Variants in SLC2A7 observed in about 807,000 individuals in gnomAD.
SLC2A7 encodes the protein solute carrier family 2, facilitated glucose transporter member 7.
Under a neutral mutation model 50.5 loss-of-function variants are expected in SLC2A7, and 50 were observed. The observed-to-expected ratio is 0.99, with a 90% CI of 0.79 to 1.25. The LOEUF (loss-of-function observed/expected upper bound fraction) is 1.25, where lower values mean the gene tolerates loss of function less well. Among genes scored for constraint, SLC2A7 ranks in the 50% most tolerant of loss-of-function variants. The probability of loss-of-function intolerance (pLI) is 0.00; values close to 1 mark genes in which losing one functional copy is unlikely to be tolerated. For synonymous variants in SLC2A7, 308 were observed against 300.4 expected (o/e 1.03, Z -0.26); for missense variants, 683 against 679.1 (o/e 1.01, Z -0.06).
chr1:9,024,678 C>G (rs1011648740), intron 2 of SLC2A7, among the ~76,000 whole-genome samples: 4 of 152,182 alleles, frequency 2.6e-5, no homozygotes, highest in African/African-American at 9.7e-5. Context: ...GGGGCCTACC[C>G]AAGGTGAGAG....
intron 7 of SLC2A7, 70 bp from the exon 8 acceptor site, chr1:9,013,705 A>G: frequency 7.5e-7 from 1 of 1,335,580 alleles, no homozygotes; most frequent in Non-Finnish European, 1.1e-6. Flanking sequence ...TTCTCAACTC[A>G]AGCCACACAC....
rs990669288 is a variant in SLC2A7, at chr1:9,018,385, G to A, written c.437-10C>T. The stretch of plus-strand genomic sequence containing the variant: ...GCGCTGTAGGAGATGCCTGGTTTGG[G>A]CACAGCAGAAATCAGGGCAGGCAAA... On this transcript the variant is annotated splice_polypyrimidine_tract_variant and intron_variant, in intron 4 of 11. Coordinates refer to ENST00000400906, the MANE Select transcript of SLC2A7 (RefSeq NM_207420.3). 2.5e-6 allele frequency: 4 copies of A among 1,613,484 alleles called. No individual in the cohort carries two copies. Among genetic ancestry groups the A allele is most frequent in the African/African-American group, 1.3e-5 (1 of 74,906 alleles).
chr1:8,996,425 T>G, the SLC2A7 span, among the ~76,000 whole-genome samples: 1 of 152,236 alleles, frequency 6.6e-6, no homozygotes, highest in Non-Finnish European at 1.5e-5. Context: ...CCATTCACCT[T>G]GATGTACTTT....
chr1:9,013,404 T>C lies in SLC2A7; in HGVS notation c.1014+121A>G, dbSNP rs535500034. ...GTATGTGTGCATCCTAAAGTCCATG[T>C]CCCTTAAATGACCCCAGGACCAGGG... On this transcript the variant is annotated intron_variant, in intron 8 of 11. Coordinates refer to ENST00000400906, the MANE Select transcript of SLC2A7 (RefSeq NM_207420.3). 1.6e-4 allele frequency: 110 copies of C among 706,334 alleles called. No homozygotes were observed. In the African/African-American group the frequency reaches 1.8e-3, roughly 11 times the overall value. The allele number at this position is 706,334 out of a possible 1,614,324, so 43.8% of individuals were successfully genotyped here.
rs139217956 is a variant in SLC2A7, at chr1:9,020,894, G to A, written c.312-1561C>T. Among the ~76,000 whole-genome samples, 468 of 152,146 alleles carry A rather than the reference G, an allele frequency of 3.1e-3. 2 individuals are homozygous for A. The highest frequency in any genetic ancestry group is 0.011 in the African/African-American group (458 of 41,496). On this transcript the variant is annotated intron_variant, in intron 3 of 11. Transcript: ENST00000400906. ...CTCACCAGGTCTGATGGTTTTATAA[G>A]GAAGAGTATTTCTGCACAAGCTCTC...
chr1:9,001,418 T>C (rs542859268), downstream of SLC2A7, among the ~76,000 whole-genome samples: 4 of 138,594 alleles, frequency 2.9e-5, no homozygotes, highest in African/African-American at 8.0e-5. Context: ...ATGCAGGTGC[T>C]ATTTTTTTTT....
chr1:9,018,947 C>T (rs987585591), intron 4 of SLC2A7, among the ~76,000 whole-genome samples: 13 of 151,884 alleles, frequency 8.6e-5, no homozygotes, highest in African/African-American at 2.9e-4. Context: ...TTTGGGAGGC[C>T]GAGACAGGAG....
At position 9,018,228 on chromosome 1, in the gene SLC2A7, G is replaced by A. The variant is rs375431878; in HGVS notation, c.584C>T (p.Pro195Leu). ...CCTCTGCGGCTGCCGGTTACCTGCC[G>A]GGTTGCCCAAGATGGCCTGGAGGCT... is the stretch of plus-strand genomic sequence containing the variant. Reference protein sequence around the residue: ...IFSLQAILGNPAGWPVLLALT... With the variant: ...IFSLQAILGNLAGWPVLLALT... The change falls in exon 5 of 12, where the codon CCG becomes CTG. Residue 195 changes from proline to leucine, a missense_variant. Pro to Leu is a moderately conservative substitution (Grantham distance 98, BLOSUM62 -3). Transcript: ENST00000400906. The A allele has an allele frequency of 8.1e-6, 13 of 1,613,952 alleles. No individual in the cohort carries two copies. Among genetic ancestry groups the A allele is most frequent in the Admixed American group, 1.7e-5 (1 of 59,992 alleles).
rs748044755 is a variant in SLC2A7 at position 9,015,166 on chromosome 1, G to C, written c.666C>G (p.Ser222Arg). 1.9e-6 allele frequency: 3 copies of C among 1,613,136 alleles called. No individual in the cohort carries two copies. The highest frequency in any genetic ancestry group is 2.5e-6 in the Non-Finnish European group (3 of 1,179,784). ...QLLTLPFFPE[S>R]PRYSLIQKGD... ...CTTTCTGAATCAGGGAGTAGCGGGGGCTTTCGGGGAAGAAGGGCAGGGTCA... is the reference window on the plus strand; with the variant it reads ...CTTTCTGAATCAGGGAGTAGCGGGGCCTTTCGGGGAAGAAGGGCAGGGTCA... Residue 222 changes from serine to arginine, a missense_variant, in exon 6 of 12, where the codon AGC (serine) becomes AGG (arginine). Transcript: ENST00000400906.
At chr1:9,024,874 C>G (rs1640971280) in intron 2 of SLC2A7, 102 bp downstream of exon 2, 2 of 1,344,040 alleles carry the variant, frequency 1.5e-6, no homozygotes, top group Non-Finnish European at 2.1e-6. Flanking sequence ...GTGCCTCCTA[C>G]AGGCAAGATG....
chr1:9,016,649 GAGGAAGGAAGGA>G (rs111801535), intron 5 of SLC2A7, among the ~76,000 whole-genome samples: 18 of 149,614 alleles, frequency 1.2e-4, no homozygotes, highest in Admixed American at 1.0e-3. Flanking sequence ...AGAAGAGAGA[GAGGAAGGAAGGA>G]AGGAAGGAAG....
At position 9,014,811 on chromosome 1, in the gene SLC2A7, G is replaced by A. The variant is rs780075652; in HGVS notation, c.773C>T (p.Ala258Val). 35 of 1,604,498 alleles carry A rather than the reference G, an allele frequency of 2.2e-5. No homozygotes were observed. In the Admixed American group the frequency reaches 2.4e-4, roughly 11 times the overall value. ...DMEAELEDMR[A>V]EARAERAEGH... Reference sequence around the variant, plus strand: ...CTCGGCGCGCTCGGCCCGGGCCTCCGCACGCATGTCCTCCAGCTCGGCCTC... The same window carrying A: ...CTCGGCGCGCTCGGCCCGGGCCTCCACACGCATGTCCTCCAGCTCGGCCTC... Residue 258 changes from alanine to valine, a missense_variant, in exon 7 of 12, where the codon GCG becomes GTG. Coordinates refer to ENST00000400906, the MANE Select transcript of SLC2A7 (RefSeq NM_207420.3).
At chr1:9,025,334 T>G (rs978682850) in intron 1 of SLC2A7, among the ~76,000 whole-genome samples, 1 of 152,116 alleles carries the variant, frequency 6.6e-6, no homozygotes, top group Non-Finnish European at 1.5e-5. Context: ...GGAGGCCAAG[T>G]GTGAAGTAGG....
In SLC2A7 at chr1:9,023,042, G is replaced by A. The variant is rs148511942; in HGVS notation, c.187C>T (p.Arg63Ter). ...TTCCCGTCCATGAATGTTGCGTGTCGCTCAAAGTAGGTTTCGTTGTAAAAT... is the reference window on the plus strand; with the variant it reads ...TTCCCGTCCATGAATGTTGCGTGTCACTCAAAGTAGGTTTCGTTGTAAAAT... ...KSFYNETYFE[R>*]HATFMDGKLM... is the part of the protein sequence containing the mutation. Residue 63 changes from arginine to a stop codon, truncating the protein, a stop_gained, in exon 3 of 12, where the codon CGA (arginine) becomes TGA (stop). Coordinates refer to ENST00000400906, the MANE Select transcript of SLC2A7 (RefSeq NM_207420.3). LOFTEE classifies it high-confidence loss of function. The A allele has an allele frequency of 1.7e-5, 27 of 1,613,978 alleles. No individual in the cohort carries two copies. The African/African-American group carries it at 2.0e-4, about 12-fold the overall frequency.
rs750945721 is a variant in SLC2A7, at chr1:9,003,307, G to C, written c.1532C>G (p.Ser511Cys). ...PPTASPAKETSF is the reference protein window; with the variant it reads ...PPTASPAKETCF ...GTCCTTCATGCAGGGCCACTAAAAG[G>C]AAGTTTCCTTGGCAGGAGAGGCTGT... The change falls in exon 12 of 12, where the codon TCC (serine) becomes TGC (cysteine). Residue 511 changes from serine to cysteine, a missense_variant. Coordinates refer to ENST00000400906, the MANE Select transcript of SLC2A7 (RefSeq NM_207420.3). The C allele has an allele frequency of 6.2e-7, 1 of 1,614,164 alleles. No homozygotes were observed. The highest frequency in any genetic ancestry group is 8.5e-7 in the Non-Finnish European group (1 of 1,180,010).
In SLC2A7 at chr1:9,013,523, A is replaced by G. The variant is rs780970341; in HGVS notation, c.1014+2T>C. Reference sequence around the variant, plus strand: ...CAGGAAGGATGCCTCCTGCTCACTCACCGAGGTGATGGTCATCACTATGTT... The same window carrying G: ...CAGGAAGGATGCCTCCTGCTCACTCGCCGAGGTGATGGTCATCACTATGTT... On this transcript the variant is annotated splice_donor_variant, in intron 8 of 11. Coordinates refer to ENST00000400906, the MANE Select transcript of SLC2A7 (RefSeq NM_207420.3). LOFTEE classifies it high-confidence loss of function. The G allele has an allele frequency of 1.2e-6, 2 of 1,612,604 alleles. No homozygotes were observed. The highest frequency in any genetic ancestry group is 2.2e-5 in the East Asian group (1 of 44,832).
At chr1:9,025,699 C>T (rs749445349) in intron 1 of SLC2A7, among the ~76,000 whole-genome samples, 42 of 152,286 alleles carry the variant, frequency 2.8e-4, no homozygotes, top group Middle Eastern at 3.4e-3. Context: ...TCCCGGCAGT[C>T]GCCTGTGCTC....
downstream of SLC2A7, among the ~76,000 whole-genome samples, chr1:8,999,701 G>A (rs1373279020): frequency 5.9e-5 from 9 of 152,222 alleles, no homozygotes; most frequent in Admixed American, 5.9e-4. Context: ...CCAGCAGGGT[G>A]TGTGACCCAG....
chr1:9,016,217 T>C (rs977650470), intron 5 of SLC2A7, among the ~76,000 whole-genome samples: 19 of 152,144 alleles, frequency 1.2e-4, no homozygotes, highest in African/African-American at 4.1e-4. Context: ...AGGTTCTGAG[T>C]CTCTGAACCT....
Sources: gnomAD v4.1 joint callset for allele counts (sites outside exome capture counted in the v4.1 genomes callset) on GRCh38, gnomAD v4.1.1 for gene constraint, MANE v1.5 for transcripts, NCBI Gene and HGNC (gene_info 2026-07-23, HGNC 2026-07-21) for gene names.